The following PRLR variants were observed in gnomAD, a reference collection of about 807,000 sequenced individuals.
The protein encoded by PRLR is prolactin receptor.
Under a neutral mutation model 40.2 loss-of-function variants are expected in PRLR, and 13 were observed. The ratio of observed to expected loss-of-function variants is 0.32; its 90% CI spans 0.21 to 0.51. The LOEUF is 0.51. PRLR is among the 20% of genes least tolerant of loss of function. PRLR has a pLI of 0.97. For synonymous variants in PRLR, 269 were observed against 278.7 expected (o/e 0.97, Z 0.35); for missense variants, 656 against 747.3 (o/e 0.88, Z 1.42).
chr5:35,112,416 C>G (rs956278454), intron 2 of PRLR, among the ~76,000 whole-genome samples: 12 of 152,224 alleles, frequency 7.9e-5, no homozygotes, highest in South Asian at 2.1e-4. Flanking sequence ...GCTTGTTTTA[C>G]TCTGGCCCCG....
Position 35,061,020 on chromosome 5 carries a change from C to A in PRLR, c.*4069G>T, listed in dbSNP as rs1014480858. 1 of 152,144 alleles carries A rather than the reference C, an allele frequency of 6.6e-6. No individual in the cohort carries two copies. The highest frequency in any genetic ancestry group is 2.4e-5 in the African/African-American group (1 of 41,424). 9.4% of individuals were successfully genotyped at this position (152,144 alleles called of 1,614,324 possible). On this transcript the variant is annotated 3_prime_UTR_variant, in exon 10 of 10. Coordinates refer to ENST00000618457, the MANE Select transcript of PRLR (RefSeq NM_000949.7). ...TCTGTGTTGATTCAATTAAACAATACGTAAACATTCACTGAACATTGCTGG... is the reference window on the plus strand; with the variant it reads ...TCTGTGTTGATTCAATTAAACAATAAGTAAACATTCACTGAACATTGCTGG...
intron 2 of PRLR, among the ~76,000 whole-genome samples, chr5:35,110,705 A>G (rs1244454499): frequency 5.3e-5 from 8 of 152,128 alleles, no homozygotes; most frequent in African/African-American, 1.9e-4. Context: ...CCTTCCCACC[A>G]TGTGGCCTGT....
chr5:35,145,039 C>T (rs1005368086), intron 1 of PRLR, among the ~76,000 whole-genome samples: 2 of 152,194 alleles, frequency 1.3e-5, no homozygotes, highest in Admixed American at 6.5e-5. Context: ...TGGTGCTCAT[C>T]TCCTTTGTAT....
chr5:35,194,132 G>A (rs1206885726), intron 1 of PRLR, among the ~76,000 whole-genome samples: 1 of 152,150 alleles, frequency 6.6e-6, no homozygotes, highest in East Asian at 1.9e-4. Context: ...CTGGCTCAGG[G>A]GCTGCTAGGC....
At chr5:35,203,689 C>G (rs549826838) in intron 1 of PRLR, among the ~76,000 whole-genome samples, 2 of 152,034 alleles carry the variant, frequency 1.3e-5, no homozygotes, top group Admixed American at 1.3e-4. Context: ...TGTCAAACAT[C>G]CATTACAAAG....
At chr5:35,163,665 T>C (rs1270692657) in intron 1 of PRLR, among the ~76,000 whole-genome samples, 2 of 152,240 alleles carry the variant, frequency 1.3e-5, no homozygotes, top group Non-Finnish European at 2.9e-5. Context: ...GAAGTATATG[T>C]ATTGCTGAAA....
In PRLR at chr5:35,160,112, CA is replaced by C. The variant is rs371495983; in HGVS notation, c.-105-41991del. ...TGTGTTACTCTATAACAGAGGCAGGCAAACTACTGCTCTGGACCAAATCCAG... is the reference window on the plus strand; with the variant it reads ...TGTGTTACTCTATAACAGAGGCAGGCAACTACTGCTCTGGACCAAATCCAG... On this transcript the variant is annotated intron_variant, in intron 1 of 9. Transcript: ENST00000618457. 1.5e-4 allele frequency among the ~76,000 whole-genome samples: 23 copies of C among 152,316 alleles called. No individual in the cohort carries two copies. The East Asian group carries it at 3.9e-3, about 26-fold the overall frequency.
At chr5:35,085,042 C>A (rs1770758248) in intron 4 of PRLR, among the ~76,000 whole-genome samples, 1 of 152,212 alleles carries the variant, frequency 6.6e-6, no homozygotes, top group Admixed American at 6.5e-5. Flanking sequence ...ATGCACAATG[C>A]AGCAGCTATT....
chr5:35,194,036 C>T (rs1775673368), intron 1 of PRLR, among the ~76,000 whole-genome samples: 1 of 152,102 alleles, frequency 6.6e-6, no homozygotes, highest in Non-Finnish European at 1.5e-5. Flanking sequence ...ATTCCTGGCT[C>T]AGGAGGTGTG....
chr5:35,076,799 GGTCAGGCTACCCACAAAGGGAA>G (rs1443747315), intron 5 of PRLR, among the ~76,000 whole-genome samples: 3 of 152,156 alleles, frequency 2.0e-5, no homozygotes, highest in Non-Finnish European at 2.9e-5. Flanking sequence ...CAGAGAGAAA[GGTCAGGCTACCCACAAAGGGAA>G]GCCCATCAGA....
rs574399874 is a variant in PRLR, at chr5:35,058,496, T to C, written c.*6593A>G. On this transcript the variant is annotated 3_prime_UTR_variant, in exon 10 of 10. Coordinates refer to ENST00000618457, the MANE Select transcript of PRLR (RefSeq NM_000949.7). ...TGACTTTCAAACAACTGTTGGATTGTACTTTAAATGTGTAACACCCCAGAG... is the reference window on the plus strand; with the variant it reads ...TGACTTTCAAACAACTGTTGGATTGCACTTTAAATGTGTAACACCCCAGAG... The C allele has an allele frequency of 1.3e-5, 2 of 152,370 alleles. No individual in the cohort carries two copies. Among genetic ancestry groups the C allele is most frequent in the South Asian group, 4.1e-4 (2 of 4,830 alleles). 9.4% of individuals were successfully genotyped at this position (152,370 alleles called of 1,614,324 possible).
In PRLR at chr5:35,068,843, C is replaced by A. The variant is rs1769559489; in HGVS notation, c.721G>T (p.Val241Leu). 6.2e-7 allele frequency: 1 copy of A among 1,613,186 alleles called. No homozygotes were observed. The highest frequency in any genetic ancestry group is 8.5e-7 in the Non-Finnish European group (1 of 1,179,406). Residue 241 changes from valine (V) to leucine (L), a missense_variant, in exon 8 of 10, where the codon GTG becomes TTG. Physicochemically the swap from Val to Leu is conservative, Grantham distance 32. Around this residue, in one of 3 missense-constraint regions of PRLR, gnomAD observed 469 missense variants for 491.5 expected, o/e 0.95. Transcript: ENST00000618457. ...CAGATGACAGCAGAAAGGACAGCCA[C>A]AGAGATCCACACGGTTGTATCATTC... Reference protein sequence around the residue: ...TMNDTTVWISVAVLSAVICLI... With the variant: ...TMNDTTVWISLAVLSAVICLI...
chr5:35,072,209 A>G (rs1426085125), intron 6 of PRLR, among the ~76,000 whole-genome samples: 1 of 152,086 alleles, frequency 6.6e-6, no homozygotes, highest in Non-Finnish European at 1.5e-5. Flanking sequence ...TGGTTGAGGT[A>G]TTTTAAAGTA....
chr5:35,131,583 C>T (rs537688622), intron 1 of PRLR, among the ~76,000 whole-genome samples: 3 of 152,330 alleles, frequency 2.0e-5, no homozygotes, highest in South Asian at 2.1e-4. Flanking sequence ...ACAAAGGATG[C>T]TGATCCCCTG....
intron 1 of PRLR, among the ~76,000 whole-genome samples, chr5:35,208,565 A>G (rs1022126775): frequency 1.3e-5 from 2 of 152,194 alleles, no homozygotes; most frequent in Non-Finnish European, 2.9e-5. Context: ...TGTTGAATCA[A>G]CAACTAAACT....
At chr5:35,050,370 A>G (rs190293766) in intron 8 of PRLR, among the ~76,000 whole-genome samples, 14 of 152,340 alleles carry the variant, frequency 9.2e-5, no homozygotes, top group Admixed American at 1.3e-4. Context: ...ACCTTCACAG[A>G]TAAAACTCCA....
chr5:35,129,147 T>G (rs890763862), intron 1 of PRLR, among the ~76,000 whole-genome samples: 20 of 152,182 alleles, frequency 1.3e-4, no homozygotes, highest in African/African-American at 4.8e-4. Flanking sequence ...TGGTGGTGGT[T>G]ATGTAGGCAG....
chr5:35,148,790 A>G (rs761240503), intron 1 of PRLR, among the ~76,000 whole-genome samples: 4 of 152,160 alleles, frequency 2.6e-5, no homozygotes, highest in Non-Finnish European at 5.9e-5. Flanking sequence ...TTTTACAAAA[A>G]TTTGATATTG....
At chr5:35,152,527 T>C (rs1774371076) in intron 1 of PRLR, among the ~76,000 whole-genome samples, 2 of 152,216 alleles carry the variant, frequency 1.3e-5, no homozygotes, top group Middle Eastern at 3.4e-3. Flanking sequence ...ACAACAGTAA[T>C]AGTGATTAAT....
Sources: gnomAD v4.1 joint callset for allele counts (sites outside exome capture counted in the v4.1 genomes callset) on GRCh38, gnomAD v4.1.1 for gene constraint, gnomAD v4.1.1 regional missense constraint, MANE v1.5 for transcripts, NCBI Gene and HGNC (gene_info 2026-07-23, HGNC 2026-07-21) for gene names.